The following ELFN1 variants were observed in gnomAD, a reference collection of about 807,000 sequenced individuals.
ELFN1 encodes protein ELFN1.
ELFN1 carries 6 observed loss-of-function variants against 7.6 expected under a neutral mutation model. The observed-to-expected ratio is 0.79, with a 90% confidence interval of 0.43 to 1.56. The LOEUF (loss-of-function observed/expected upper bound fraction) is 1.56, where lower values mean the gene tolerates loss of function less well. Among genes scored for constraint, ELFN1 ranks in the 40% most tolerant of loss-of-function variants. The pLI is 0.01. For missense variants in ELFN1, 1,169 were observed against 1,232.2 expected, an observed-to-expected ratio of 0.95 and a Z score of 0.77; for synonymous variants, 657 against 588.1, an observed-to-expected ratio of 1.12 and a Z score of -1.70.
At chr7:1,707,117 G>A (rs980589718) in intron 2 of ELFN1, among the ~76,000 whole-genome samples, 5 of 152,278 alleles carry the variant, frequency 3.3e-5, no homozygotes, top group African/African-American at 4.8e-5. Context: ...GTGCCCTGAC[G>A]TGCACACCGT....
intron 2 of ELFN1, among the ~76,000 whole-genome samples, chr7:1,700,132 G>A (rs996727000): frequency 1.3e-5 from 2 of 152,198 alleles, no homozygotes; most frequent in Non-Finnish European, 2.9e-5. Context: ...TCTCAGAAGT[G>A]GGGCTGCTGG....
chr7:1,702,444 A>G (rs1218329990), intron 2 of ELFN1, among the ~76,000 whole-genome samples: 1 of 150,398 alleles, frequency 6.6e-6, no homozygotes, highest in Admixed American at 6.6e-5. Flanking sequence ...AAAAAGAAGA[A>G]GACCCTCCCT....
chr7:1,671,581 C>T (rs532874509), intron 1 of ELFN1, among the ~76,000 whole-genome samples: 1 of 152,214 alleles, frequency 6.6e-6, no homozygotes, highest in Admixed American at 6.5e-5. Flanking sequence ...TCAGGGGCTG[C>T]CCCCTAGAGA....
chr7:1,670,805 G>A lies in ELFN1; in HGVS notation c.-549+451G>A, dbSNP rs1038204123. Among the ~76,000 whole-genome samples, 1 of 152,022 alleles carries A rather than the reference G, an allele frequency of 6.6e-6. No homozygotes were observed. Among genetic ancestry groups the A allele is most frequent in the African/African-American group, 2.4e-5 (1 of 41,392 alleles). On this transcript the variant is annotated intron_variant, in intron 1 of 3. Transcript: ENST00000424383. This position sits in a 1 kb window ranked among gnomAD's most constrained non-coding sequence, Gnocchi z 6.4. ...GCTGACCCCTCCCCAGGCTCGCATC[G>A]CCCTCCCTGCTGGGCCGCCCTCCCC...
rs537881391 is a variant in ELFN1, at chr7:1,725,910, ATC to A, written c.-294+16659_-294+16660del. ...CACACAAATACACACTCACACAAAAATCACACACAACACACCCTCGCACTCAC... is the reference window on the plus strand; with the variant it reads ...CACACAAATACACACTCACACAAAAAACACACAACACACCCTCGCACTCAC... On this transcript the variant is annotated intron_variant, in intron 3 of 3. Transcript: ENST00000424383. Among the ~76,000 whole-genome samples, 757 of 152,102 alleles carry A rather than the reference ATC, an allele frequency of 5.0e-3. 1 individual carries two copies. The highest frequency in any genetic ancestry group is 8.3e-3 in the Non-Finnish European group (566 of 67,984).
intron 2 of ELFN1, chr7:1,693,403 A>T (rs1371076881): frequency 2.1e-6 from 1 of 471,030 alleles, no homozygotes; most frequent in Non-Finnish European, 4.4e-6. Context: ...GGTGTGCCTG[A>T]GTAGGTATGT....
Position 1,670,720 on chromosome 7 carries a change from C to T in ELFN1, c.-549+366C>T, listed in dbSNP as rs980395082. Among the ~76,000 whole-genome samples, 7 of 152,294 alleles carry T rather than the reference C, an allele frequency of 4.6e-5. No individual in the cohort carries two copies. The highest frequency in any genetic ancestry group is 8.8e-5 in the Non-Finnish European group (6 of 67,996). The stretch of plus-strand genomic sequence containing the variant: ...CACCCTGCCCGGCGCCCCCCAGACG[C>T]GGCCCCCTGCCCTTCCCTTCCCGGA... On this transcript the variant is annotated intron_variant, in intron 1 of 3. Transcript: ENST00000424383. The surrounding 1 kb of genome is among the most constrained non-coding windows in gnomAD (Gnocchi z 6.4).
chr7:1,711,569 AGAGAGT>A (rs1336407353), intron 3 of ELFN1, among the ~76,000 whole-genome samples: 23 of 109,082 alleles, frequency 2.1e-4, no homozygotes, highest in South Asian at 6.4e-4. Flanking sequence ...AGAGAGAGCG[AGAGAGT>A]GAGAGAGAGA....
rs191432685 is a variant in ELFN1 at position 1,746,030 on chromosome 7, C to A, written c.1434C>A (p.Pro478=). The A allele has an allele frequency of 6.5e-7, 1 of 1,545,330 alleles. No homozygotes were observed. The highest frequency in any genetic ancestry group is 1.2e-5 in the South Asian group (1 of 83,766). ...ELKYGPELEA[P]GLAPLSQGPL... ...AGTACGGGCCAGAGCTGGAGGCGCC[C>A]GGCCTGGCCCCGCTGTCCCAGGGCC... The change falls in exon 4 of 4, where the codon CCC becomes CCA. Residue 478 remains proline (P), a synonymous_variant. Coordinates refer to ENST00000424383, the MANE Select transcript of ELFN1 (RefSeq NM_001128636.4).
Position 1,746,631 on chromosome 7 carries a change from G to A in ELFN1, c.2035G>A (p.Ala679Thr), listed in dbSNP as rs781272692. The change falls in exon 4 of 4, where the codon GCC (alanine) becomes ACC (threonine). Residue 679 changes from alanine to threonine, a missense_variant. By Grantham distance (58) the Ala-to-Thr change is moderately conservative. Coordinates refer to ENST00000424383, the MANE Select transcript of ELFN1 (RefSeq NM_001128636.4). ...YIEKGSPAAD[A>T]ILTVTPAAAV... Reference sequence around the variant, plus strand: ...CGAGAAGGGCTCCCCCGCGGCCGACGCCATCCTCACTGTGACACCCGCGGC... The same window carrying A: ...CGAGAAGGGCTCCCCCGCGGCCGACACCATCCTCACTGTGACACCCGCGGC... The A allele has an allele frequency of 5.2e-6, 7 of 1,353,748 alleles. No homozygotes were observed. The South Asian group carries it at 6.8e-5, about 13-fold the overall frequency. 83.9% of individuals were successfully genotyped at this position (1,353,748 alleles called of 1,614,324 possible). A position where few individuals can be genotyped will look rare whatever the true frequency, so the allele number is the denominator to read the frequency against.
intron 2 of ELFN1, among the ~76,000 whole-genome samples, chr7:1,699,782 C>T (rs1171281285): frequency 6.6e-6 from 1 of 152,200 alleles, no homozygotes; most frequent in East Asian, 1.9e-4. Flanking sequence ...CTGCTCACTG[C>T]AACCTCCGCC....
At chr7:1,678,532 C>T (rs1778916457) in intron 1 of ELFN1, among the ~76,000 whole-genome samples, 2 of 152,164 alleles carry the variant, frequency 1.3e-5, no homozygotes, top group African/African-American at 4.8e-5. Context: ...TGTGCCAGAA[C>T]CCAGCATAGC....
intron 1 of ELFN1, among the ~76,000 whole-genome samples, chr7:1,685,255 A>G (rs1779043110): frequency 1.3e-5 from 2 of 152,034 alleles, no homozygotes; most frequent in Non-Finnish European, 2.9e-5. Flanking sequence ...TTGTCTTTCA[A>G]CAGTTTGGCT....
In ELFN1 at chr7:1,746,679, G is replaced by A. The variant is rs1373515462; in HGVS notation, c.2083G>A (p.Glu695Lys). 3 of 1,419,962 alleles carry A rather than the reference G, an allele frequency of 2.1e-6. No homozygotes were observed. Among genetic ancestry groups the A allele is most frequent in the South Asian group, 1.4e-5 (1 of 70,548 alleles). The allele number at this position is 1,419,962 out of a possible 1,614,324, so 88.0% of individuals were successfully genotyped here. ...GGCCGCCGTGCTGCGGGCCGAGGCC[G>A]AGAAGGGTCGCCAGTACGGCGAGCA... ...PAAAVLRAEA[E>K]KGRQYGEHRH... Residue 695 changes from glutamate to lysine, a missense_variant, in exon 4 of 4, where the codon GAG becomes AAG. By Grantham distance (56) the Glu-to-Lys change is moderately conservative. Transcript: ENST00000424383.
At chr7:1,719,033 G>C (rs952927797) in intron 3 of ELFN1, among the ~76,000 whole-genome samples, 8 of 152,130 alleles carry the variant, frequency 5.3e-5, no homozygotes, top group African/African-American at 1.9e-4. Context: ...CCAGGGGCCT[G>C]AGTGCCTGAA....
At chr7:1,708,916 G>A (rs1321272445) in intron 2 of ELFN1, among the ~76,000 whole-genome samples, 175 bp from the exon 3 acceptor site, 1 of 152,190 alleles carries the variant, frequency 6.6e-6, no homozygotes. Flanking sequence ...CCTGCTCTGT[G>A]TGTCAGGAAG....
intron 3 of ELFN1, among the ~76,000 whole-genome samples, chr7:1,716,506 C>T (rs532335699): frequency 2.6e-5 from 4 of 152,332 alleles, no homozygotes; most frequent in Admixed American, 2.6e-4. Context: ...TGTGTGCGTG[C>T]GTGTTTGTGT....
intron 2 of ELFN1, among the ~76,000 whole-genome samples, chr7:1,701,935 A>G (rs1583336023): frequency 6.6e-6 from 1 of 152,074 alleles, no homozygotes; most frequent in East Asian, 1.9e-4. Flanking sequence ...ACGTGATGGG[A>G]AGCAGGTATT....
chr7:1,679,559 C>T (rs930001152), intron 1 of ELFN1, among the ~76,000 whole-genome samples: 1 of 152,168 alleles, frequency 6.6e-6, no homozygotes, highest in Non-Finnish European at 1.5e-5. Flanking sequence ...GCTGCCTCAG[C>T]CCCGTCCCTA....
Sources: allele counts gnomAD v4.1 joint callset (sites outside exome capture counted in the v4.1 genomes callset), GRCh38; gene constraint gnomAD v4.1.1; non-coding constraint Gnocchi (gnomAD v3.1); transcripts MANE v1.5; gene names NCBI Gene and HGNC (gene_info 2026-07-23, HGNC 2026-07-21).